MUC3A: variants seen among roughly 807,000 people sequenced by gnomAD.
MUC3A encodes mucin-3A.
MUC3A carries 109 observed loss-of-function variants against 109.0 expected under a neutral mutation model. The ratio of observed to expected loss-of-function variants is 1.00; its 90% CI spans 0.86 to 1.17. The LOEUF is 1.17. MUC3A is among the 50% of genes most tolerant of loss of function. MUC3A has a pLI of 0.00. For missense variants in MUC3A, 3,537 were observed against 2,469.4 expected (o/e 1.43, Z -9.16); for synonymous variants, 1,398 against 981.4 (o/e 1.42, Z -7.93).
chr7:100,959,795 A>G lies in MUC3A; in HGVS notation c.8016A>G (p.Ala2672=), dbSNP rs757695396. 5 of 1,594,694 alleles carry G rather than the reference A, an allele frequency of 3.1e-6. No individual in the cohort carries two copies. The highest frequency in any genetic ancestry group is 4.2e-6 in the Non-Finnish European group (5 of 1,177,816). ...CTAGGGGAAGTACGTCTACAAATGC[A>G]ATCTTGACTTCTTTTAGTACCATCA... ...SFTRGSTSTN[A]ILTSFSTIIW... The change falls in exon 2 of 12, where the codon GCA becomes GCG. Residue 2672 remains alanine (A), a synonymous_variant. Coordinates refer to ENST00000379458, the MANE Select transcript of MUC3A (RefSeq NM_005960.2).
chr7:100,965,118 A>C, intron 6 of MUC3A, 164 bp from the exon 7 acceptor site: 5 of 1,042,568 alleles, frequency 4.8e-6, no homozygotes, highest in East Asian at 2.8e-5. Flanking sequence ...GAGGCAGGCA[A>C]CAGGAGTCTT....
At position 100,960,503 on chromosome 7, in the gene MUC3A, G is replaced by A. The variant is rs770923551; in HGVS notation, c.8724G>A (p.Lys2908=). 1 of 1,598,704 alleles carries A rather than the reference G, an allele frequency of 6.3e-7. No individual in the cohort carries two copies. The highest frequency in any genetic ancestry group is 1.1e-5 in the South Asian group (1 of 91,092). Reference sequence around the variant, plus strand: ...CGACCATCCTGAGGACTTCAAGCAAGTCAACACACCCCTCCCCACCCACCA... The same window carrying A: ...CGACCATCCTGAGGACTTCAAGCAAATCAACACACCCCTCCCCACCCACCA... ...SLPTILRTSS[K]STHPSPPTTR... Residue 2908 remains lysine (K), a synonymous_variant, in exon 2 of 12, where the codon AAG becomes AAA. Coordinates refer to ENST00000379458, the MANE Select transcript of MUC3A (RefSeq NM_005960.2).
chr7:100,966,580 GCC>G, intron 9 of MUC3A, 21 bp downstream of exon 9: 3 of 1,573,116 alleles, frequency 1.9e-6, no homozygotes, highest in Non-Finnish European at 2.6e-6. Context: ...GGGGGGCGGG[GCC>G]GGGGGGCGAG....
In MUC3A at chr7:100,957,514, C is replaced by T. The variant is rs1691140847; in HGVS notation, c.5735C>T (p.Ala1912Val). 4 of 1,551,488 alleles carry T rather than the reference C, an allele frequency of 2.6e-6. No individual in the cohort carries two copies. Among genetic ancestry groups the T allele is most frequent in the Admixed American group, 1.9e-5 (1 of 52,620 alleles). ...HSTPSFTSSI[A>V]TTETPSHSTP... ...ACTCCTAGCTTCACTTCTTCAATCGCAACCACCGAGACCCCCTCACACAGT... is the reference window on the plus strand; with the variant it reads ...ACTCCTAGCTTCACTTCTTCAATCGTAACCACCGAGACCCCCTCACACAGT... Residue 1912 changes from alanine to valine, a missense_variant, in exon 2 of 12, where the codon GCA (alanine) becomes GTA (valine). Coordinates refer to ENST00000379458, the MANE Select transcript of MUC3A (RefSeq NM_005960.2).
Position 100,957,638 on chromosome 7 carries a change from C to T in MUC3A, c.5859C>T (p.His1953=). Residue 1953 remains histidine, a synonymous_variant, in exon 2 of 12, where the codon CAC becomes CAT. Coordinates refer to ENST00000379458, the MANE Select transcript of MUC3A (RefSeq NM_005960.2). ...SSITNTKTTS[H]SSPSFTSSIT... ...TCACCAATACCAAGACCACCTCACA[C>T]AGCTCTCCCAGCTTCACTTCTTCGA... The T allele has an allele frequency of 7.9e-6, 12 of 1,518,346 alleles. No individual in the cohort carries two copies. Among genetic ancestry groups the T allele is most frequent in the Non-Finnish European group, 1.1e-5 (12 of 1,141,640 alleles). The allele number at this position is 1,518,346 out of a possible 1,614,324, so 94.1% of individuals were successfully genotyped here. A position where few individuals can be genotyped will look rare whatever the true frequency, so the allele number is the denominator to read the frequency against.
chr7:100,964,727 T>C lies in MUC3A; in HGVS notation c.9266T>C (p.Leu3089Pro). 6.3e-7 allele frequency: 1 copy of C among 1,598,478 alleles called. No homozygotes were observed. The highest frequency in any genetic ancestry group is 1.1e-5 in the South Asian group (1 of 91,086). ...NGSIVVDYLV[L>P]LEMPFSPQLE... ...AGCATCGTGGTGGACTACCTGGTCC[T>C]GCTGGAGATGCCCTTCAGCCCCCAG... The change falls in exon 6 of 12, where the codon CTG (leucine) becomes CCG (proline). Residue 3089 changes from leucine (L) to proline (P), a missense_variant. Transcript: ENST00000379458.
At position 100,968,322 on chromosome 7, in the gene MUC3A, C is replaced by T. The variant is rs1257615447; in HGVS notation, c.*1160C>T. On this transcript the variant is annotated 3_prime_UTR_variant, in exon 12 of 12. Coordinates refer to ENST00000379458, the MANE Select transcript of MUC3A (RefSeq NM_005960.2). ...GCACATCTCCAGGTCTTCATGTGCA[C>T]AATACAGAGTTTATTGTAAAAAGCA... The T allele has an allele frequency of 6.5e-6, 1 of 152,672 alleles. No homozygotes were observed. The highest frequency in any genetic ancestry group is 1.5e-5 in the Non-Finnish European group (1 of 68,322). The allele number at this position is 152,672 out of a possible 1,614,324, so 9.5% of individuals were successfully genotyped here. A position where few individuals can be genotyped will look rare whatever the true frequency, so the allele number is the denominator to read the frequency against.
Position 100,956,031 on chromosome 7 carries a change from A to T in MUC3A, c.4252A>T (p.Ser1418Cys). Residue 1418 changes from serine to cysteine, a missense_variant, in exon 2 of 12, where the codon AGT becomes TGT. Coordinates refer to ENST00000379458, the MANE Select transcript of MUC3A (RefSeq NM_005960.2). ...CACTAATACGTTATCACCACTCACCAGTAGCATTTTATCTTCTACACCTGT... is the reference window on the plus strand; with the variant it reads ...CACTAATACGTTATCACCACTCACCTGTAGCATTTTATCTTCTACACCTGT... ...TATNTLSPLTSSILSSTPVPS... is the reference protein window; with the variant it reads ...TATNTLSPLTCSILSSTPVPS... 1 of 453,182 alleles carries T rather than the reference A, an allele frequency of 2.2e-6. No homozygotes were observed. Among genetic ancestry groups the T allele is most frequent in the Non-Finnish European group, 3.9e-6 (1 of 257,592 alleles). The allele number at this position is 453,182 out of a possible 1,614,324, so 28.1% of individuals were successfully genotyped here.
chr7:100,967,043 G>T, intron 11 of MUC3A, 78 bp from the exon 12 acceptor site: 1 of 1,598,470 alleles, frequency 6.3e-7, no homozygotes, highest in Non-Finnish European at 8.5e-7. Context: ...GAGGGGGCTG[G>T]GCTCGGATCA....
intron 6 of MUC3A, 21 bp from the exon 7 acceptor site, chr7:100,965,261 T>C: frequency 1.9e-6 from 3 of 1,598,354 alleles, no homozygotes; most frequent in Non-Finnish European, 2.5e-6. Context: ...GCCCATTCCA[T>C]CTGTGCCTGT....
Position 100,949,678 on chromosome 7 carries a change from G to A in MUC3A, c.54G>A (p.Trp18Ter). 1.9e-6 allele frequency: 3 copies of A among 1,550,272 alleles called. No individual in the cohort carries two copies. Among genetic ancestry groups the A allele is most frequent in the Non-Finnish European group, 2.6e-6 (3 of 1,155,426 alleles). Residue 18 changes from tryptophan to a stop codon, truncating the protein, a stop_gained, in exon 1 of 12, where the codon TGG becomes TGA. Coordinates refer to ENST00000379458, the MANE Select transcript of MUC3A (RefSeq NM_005960.2). LOFTEE classifies it high-confidence loss of function. ...GLLWMLKASPWATGTLSTATS... is the reference protein window; with the variant it reads ...GLLWMLKASP ...TCTGGATGCTCAAGGCCTCCCCGTG[G>A]GCCACAGGTAAGGGGGAGAGGCGGA...
Position 100,953,368 on chromosome 7 carries a change from C to G in MUC3A, c.1589C>G (p.Pro530Arg), listed in dbSNP as rs1193249272. Reference sequence around the variant, plus strand: ...ACAAGTTCCCTCCTGACGACCTTCCCAGCAACATATTCATTTTCATCTTCC... The same window carrying G: ...ACAAGTTCCCTCCTGACGACCTTCCGAGCAACATATTCATTTTCATCTTCC... ...TPTSSLLTTF[P>R]ATYSFSSSMS... is the part of the protein sequence containing the mutation. Residue 530 changes from proline (P) to arginine (R), a missense_variant, in exon 2 of 12, where the codon CCA (proline) becomes CGA (arginine). Pro to Arg is a moderately radical substitution (Grantham distance 103). Coordinates refer to ENST00000379458, the MANE Select transcript of MUC3A (RefSeq NM_005960.2). The G allele has an allele frequency of 2.2e-5, 11 of 498,266 alleles. No homozygotes were observed. The highest frequency in any genetic ancestry group is 3.1e-5 in the Non-Finnish European group (9 of 286,860). The allele number at this position is 498,266 out of a possible 1,614,324, so 30.9% of individuals were successfully genotyped here.
In MUC3A at chr7:100,967,118, C is replaced by G. The variant is rs1363318135; in HGVS notation, c.9931-3C>G. 6.3e-7 allele frequency: 1 copy of G among 1,598,546 alleles called. No individual in the cohort carries two copies. The highest frequency in any genetic ancestry group is 2.2e-5 in the East Asian group (1 of 44,892). ...TTCCCGTCCCTCACTGTGACTCTGA[C>G]AGGTGCACATCAAGAGACCCGAGAT... On this transcript the variant is annotated splice_region_variant and splice_polypyrimidine_tract_variant and intron_variant, in intron 11 of 11. Transcript: ENST00000379458.
In MUC3A at chr7:100,960,401, C is replaced by A. The variant is rs1414865995; in HGVS notation, c.8622C>A (p.Ser2874Arg). The A allele has an allele frequency of 1.3e-6, 2 of 1,598,540 alleles. No individual in the cohort carries two copies. Residue 2874 changes from serine (S) to arginine (R), a missense_variant, in exon 2 of 12, where the codon AGC becomes AGA. Transcript: ENST00000379458. Reference protein sequence around the residue: ...TRLPTSETWLSNSSVIPLPLP... With the variant: ...TRLPTSETWLRNSSVIPLPLP... ...TGCCCACCAGTGAGACCTGGCTGAGCAACAGTTCTGTGATCCCCCTACCTC... is the reference window on the plus strand; with the variant it reads ...TGCCCACCAGTGAGACCTGGCTGAGAAACAGTTCTGTGATCCCCCTACCTC...
rs761906263 is a variant in MUC3A, at chr7:100,966,881, G to C, written c.9878-18G>C. 1.6e-5 allele frequency: 26 copies of C among 1,598,356 alleles called. No homozygotes were observed. Among genetic ancestry groups the C allele is most frequent in the Non-Finnish European group, 1.7e-5 (20 of 1,179,770 alleles). ...CCTCCCTCTCCCCTTCTCTTTCTCC[G>C]CTCCTCTCTCTCTCTAGACAAGGAT... On this transcript the variant is annotated intron_variant, in intron 10 of 11. Transcript: ENST00000379458.
chr7:100,966,528 T>C lies in MUC3A; in HGVS notation c.9754T>C (p.Ser3252Pro). 7.4e-7 allele frequency: 1 copy of C among 1,348,048 alleles called. No individual in the cohort carries two copies. The highest frequency in any genetic ancestry group is 9.4e-7 in the Non-Finnish European group (1 of 1,061,090). 83.5% of individuals were successfully genotyped at this position (1,348,048 alleles called of 1,614,324 possible). The change falls in exon 9 of 12, where the codon TCC becomes CCC. Residue 3252 changes from serine (S) to proline (P), a missense_variant. Transcript: ENST00000379458. Reference protein sequence around the residue: ...LLALGVRAVRSGWWGGQRRGR... With the variant: ...LLALGVRAVRPGWWGGQRRGR... ...GGCGCTGGGCGTCCGGGCGGTGCGCTCCGGATGGTGGGGCGGCCAGCGCCG... is the reference window on the plus strand; with the variant it reads ...GGCGCTGGGCGTCCGGGCGGTGCGCCCCGGATGGTGGGGCGGCCAGCGCCG...
Position 100,965,320 on chromosome 7 carries a change from A to T in MUC3A, c.9421A>T (p.Asn3141Tyr). ...FKPDSIKVNN[N>Y]SKTELTPAAI... ...GCCTGACTCCATCAAGGTGAACAAC[A>T]ACAGCAAGACAGAGCTGACCCCGGC... The change falls in exon 7 of 12, where the codon AAC becomes TAC. Residue 3141 changes from asparagine to tyrosine, a missense_variant. Transcript: ENST00000379458. 1.3e-6 allele frequency: 2 copies of T among 1,599,194 alleles called. No individual in the cohort carries two copies. Among genetic ancestry groups the T allele is most frequent in the South Asian group, 1.1e-5 (1 of 90,974 alleles).
At chr7:100,950,867 G>A (rs528145048) in intron 1 of MUC3A, among the ~76,000 whole-genome samples, 1 of 152,428 alleles carries the variant, frequency 6.6e-6, no homozygotes, top group East Asian at 1.9e-4. Flanking sequence ...ACGCCTGACT[G>A]CTGAGGTAGC....
chr7:100,952,365 A>G lies in MUC3A; in HGVS notation c.586A>G (p.Arg196Gly). The G allele has an allele frequency of 6.3e-7, 1 of 1,598,526 alleles. No individual in the cohort carries two copies. The highest frequency in any genetic ancestry group is 8.5e-7 in the Non-Finnish European group (1 of 1,179,770). Residue 196 changes from arginine (R) to glycine (G), a missense_variant, in exon 2 of 12, where the codon AGG becomes GGG. Physicochemically the swap from Arg to Gly is moderately radical, Grantham distance 125. Coordinates refer to ENST00000379458, the MANE Select transcript of MUC3A (RefSeq NM_005960.2). ...ATCTTCTCCCTCTACCACCACTGCA[A>G]GGGAAACTCCCATAGTGACAGTGAC... ...MTSSPSTTTARETPIVTVTPS... is the reference protein window; with the variant it reads ...MTSSPSTTTAGETPIVTVTPS...
Sources: allele counts gnomAD v4.1 joint callset (sites outside exome capture counted in the v4.1 genomes callset), GRCh38; gene constraint gnomAD v4.1.1; transcripts MANE v1.5; gene names NCBI Gene and HGNC (gene_info 2026-07-23, HGNC 2026-07-21).